ASAP1: variants seen among roughly 807,000 people sequenced by gnomAD.
ASAP1 encodes ArfGAP with SH3 domain, ankyrin repeat and PH domain 1.
In ASAP1, 43 loss-of-function variants were observed where a neutral mutation model predicts 145.2. That is an observed-to-expected ratio of 0.30 (90% CI 0.23 to 0.38). The LOEUF (loss-of-function observed/expected upper bound fraction) is 0.38. Ranked by LOEUF, ASAP1 falls within the 10% of genes least tolerant of loss-of-function variation. ASAP1 has a pLI of 1.00. For missense variants in ASAP1, 1,018 were observed against 1,355.3 expected, an observed-to-expected ratio of 0.75 and a Z score of 3.91; for synonymous variants, 546 against 515.5, an observed-to-expected ratio of 1.06 and a Z score of -0.80.
At chr8:130,436,754 T>C (rs1251985917) in intron 1 of ASAP1, among the ~76,000 whole-genome samples, 2 of 152,126 alleles carry the variant, frequency 1.3e-5, no homozygotes, top group Non-Finnish European at 2.9e-5. Flanking sequence ...TGTGCTATAT[T>C]TGTGCCACTG....
chr8:130,407,164 A>T (rs1016983177), intron 1 of ASAP1, among the ~76,000 whole-genome samples: 1 of 152,194 alleles, frequency 6.6e-6, no homozygotes, highest in Admixed American at 6.5e-5. Context: ...GCCTCGTTTA[A>T]TCCCCATACC....
chr8:130,415,239 C>T (rs1185217664), intron 1 of ASAP1, among the ~76,000 whole-genome samples: 1 of 151,326 alleles, frequency 6.6e-6, no homozygotes, highest in Non-Finnish European at 1.5e-5. Flanking sequence ...CAGGCTGAGG[C>T]AGAAGGATAG....
chr8:130,312,078 C>G (rs1823390656), intron 3 of ASAP1, among the ~76,000 whole-genome samples: 1 of 151,948 alleles, frequency 6.6e-6, no homozygotes, highest in Non-Finnish European at 1.5e-5. Flanking sequence ...GAGTTCAAAA[C>G]CAGCCTGGAT....
At chr8:130,316,213 T>G (rs911598783) in intron 3 of ASAP1, among the ~76,000 whole-genome samples, 1 of 152,224 alleles carries the variant, frequency 6.6e-6, no homozygotes, top group African/African-American at 2.4e-5. Flanking sequence ...GCCAACCATC[T>G]TTCTCTACTG....
intron 24 of ASAP1, among the ~76,000 whole-genome samples, chr8:130,093,071 C>G (rs1190154580): frequency 2.0e-5 from 3 of 151,950 alleles, no homozygotes; most frequent in African/African-American, 7.3e-5. Context: ...TATTGGAAGC[C>G]TGAACAACAT....
chr8:130,412,254 T>C (rs1386541447), intron 1 of ASAP1, among the ~76,000 whole-genome samples: 1 of 152,156 alleles, frequency 6.6e-6, no homozygotes, highest in Middle Eastern at 3.2e-3. Context: ...TCCCCAGTAT[T>C]GGAGGTGGGG....
chr8:130,125,922 A>G (rs2135723068), intron 17 of ASAP1, 34 bp downstream of exon 17: 2 of 1,579,660 alleles, frequency 1.3e-6, no homozygotes, highest in Admixed American at 2.0e-5. Context: ...CATGACAATA[A>G]TATCATTCTT....
chr8:130,417,290 C>A (rs1200355082), intron 1 of ASAP1, among the ~76,000 whole-genome samples: 1 of 152,244 alleles, frequency 6.6e-6, no homozygotes, highest in Admixed American at 6.5e-5. Flanking sequence ...CACACATACA[C>A]AAATGCAATG....
At chr8:130,437,943 C>T (rs1410763142) in intron 1 of ASAP1, among the ~76,000 whole-genome samples, 2 of 152,236 alleles carry the variant, frequency 1.3e-5, no homozygotes, top group Non-Finnish European at 2.9e-5. Flanking sequence ...TGCACCTTCG[C>T]ACTTCCTGAC....
At chr8:130,245,056 A>G (rs2136769605) in intron 3 of ASAP1, among the ~76,000 whole-genome samples, 1 of 152,296 alleles carries the variant, frequency 6.6e-6, no homozygotes, top group South Asian at 2.1e-4. Context: ...AGTGCAGAAT[A>G]CTTGCCAACA....
intron 3 of ASAP1, among the ~76,000 whole-genome samples, chr8:130,255,564 G>C (rs572325298): frequency 9.9e-5 from 15 of 152,108 alleles, no homozygotes; most frequent in African/African-American, 3.6e-4. Context: ...TTAGCTTAAT[G>C]GTCAGTTTTT....
At chr8:130,214,735 A>C (rs1816791588) in intron 4 of ASAP1, 34 bp from the exon 5 acceptor site, 1 of 1,528,800 alleles carries the variant, frequency 6.5e-7, no homozygotes, top group East Asian at 2.3e-5. Flanking sequence ...AGGAGTCTGA[A>C]CTATTATTTG....
At chr8:130,091,055 G>T (rs1281491223) in intron 25 of ASAP1, among the ~76,000 whole-genome samples, 1 of 152,210 alleles carries the variant, frequency 6.6e-6, no homozygotes, top group Non-Finnish European at 1.5e-5. Flanking sequence ...GTAAAGATGG[G>T]AATTATGTCC....
intron 27 of ASAP1, among the ~76,000 whole-genome samples, chr8:130,065,101 A>C (rs1235067921): frequency 1.3e-5 from 2 of 151,760 alleles, no homozygotes; most frequent in Non-Finnish European, 2.9e-5. Context: ...GCTGGTCTCC[A>C]CTCCTGGGCT....
chr8:130,359,062 T>G (rs1005983479), intron 2 of ASAP1, among the ~76,000 whole-genome samples: 7 of 152,224 alleles, frequency 4.6e-5, no homozygotes, highest in Middle Eastern at 3.4e-3. Flanking sequence ...GGCTTGCAGC[T>G]GCCCGCTCGC....
chr8:130,209,357 G>A (rs979510610), intron 5 of ASAP1, among the ~76,000 whole-genome samples: 7 of 152,098 alleles, frequency 4.6e-5, no homozygotes, highest in Admixed American at 4.6e-4. Flanking sequence ...ATGGCGCCTA[G>A]GCCCCTAGAG....
intron 27 of ASAP1, among the ~76,000 whole-genome samples, chr8:130,072,913 G>A (rs986207005): frequency 3.3e-5 from 5 of 149,900 alleles, no homozygotes; most frequent in African/African-American, 1.2e-4. Context: ...AACTGAATTC[G>A]AGGACACCCA....
intron 1 of ASAP1, among the ~76,000 whole-genome samples, chr8:130,441,446 G>T (rs950009322): frequency 1.3e-5 from 2 of 152,216 alleles, no homozygotes; most frequent in Non-Finnish European, 2.9e-5. Context: ...GCCAGATACA[G>T]CAGTGGTTGG....
rs771535416 is a variant in ASAP1, at chr8:130,361,685, A to C, written c.60-3542T>G. ...CTCTACTCACCATTTCTGGGCCATA[A>C]TCCTCTTTAAATTTGAAACCATGCC... On this transcript the variant is annotated intron_variant, in intron 2 of 29. Transcript: ENST00000518721. The C allele has an allele frequency of 1.8e-5, 27 of 1,533,498 alleles. No individual in the cohort carries two copies. In the African/African-American group the frequency reaches 3.3e-4, roughly 19 times the overall value. The allele number at this position is 1,533,498 out of a possible 1,614,324, so 95.0% of individuals were successfully genotyped here.
Sources: allele counts gnomAD v4.1 joint callset (sites outside exome capture counted in the v4.1 genomes callset), GRCh38; gene constraint gnomAD v4.1.1; transcripts MANE v1.5; gene names NCBI Gene and HGNC (gene_info 2026-07-23, HGNC 2026-07-21).